AFG2A: variants seen among roughly 807,000 people sequenced by gnomAD.
AFG2A encodes ATPase family gene 2 protein homolog A.
chr4:123,057,490 T>C, the AFG2A span, among the ~76,000 whole-genome samples: 1 of 152,198 alleles, frequency 6.6e-6, no homozygotes, highest in East Asian at 1.9e-4. Context: ...TTTATCTATA[T>C]TGGATAAAAA....
At chr4:123,257,322 C>T in the AFG2A span, among the ~76,000 whole-genome samples, 1 of 152,170 alleles carries the variant, frequency 6.6e-6, no homozygotes, top group Admixed American at 6.5e-5. Context: ...GGTACACACT[C>T]AGTACACTCC....
At chr4:123,287,521 T>G in the AFG2A span, among the ~76,000 whole-genome samples, 1 of 152,238 alleles carries the variant, frequency 6.6e-6, no homozygotes, top group Non-Finnish European at 1.5e-5. Flanking sequence ...AAAAACCAAC[T>G]TGTTAAGACT....
the AFG2A span, among the ~76,000 whole-genome samples, chr4:123,161,513 G>C: frequency 6.6e-6 from 1 of 152,118 alleles, no homozygotes; most frequent in Non-Finnish European, 1.5e-5. Context: ...CTCTAGGCAA[G>C]GGATACAGAC....
At chr4:123,224,981 A>G in the AFG2A span, among the ~76,000 whole-genome samples, 1 of 151,994 alleles carries the variant, frequency 6.6e-6, no homozygotes, top group African/African-American at 2.4e-5. Context: ...CCATTTTTTC[A>G]TGTGTCTTTT....
the AFG2A span, among the ~76,000 whole-genome samples, chr4:123,083,814 C>T: frequency 1.3e-5 from 2 of 151,666 alleles, no homozygotes; most frequent in Non-Finnish European, 2.9e-5. Context: ...TTTTGGTATT[C>T]GTCTAATTGT....
At chr4:123,239,366 A>G in the AFG2A span, among the ~76,000 whole-genome samples, 12 of 152,158 alleles carry the variant, frequency 7.9e-5, no homozygotes, top group Non-Finnish European at 1.8e-4. Flanking sequence ...GAGCAACCCC[A>G]AGACACATAA....
At chr4:122,985,318 G>A in the AFG2A span, among the ~76,000 whole-genome samples, 1 of 151,868 alleles carries the variant, frequency 6.6e-6, no homozygotes, top group Non-Finnish European at 1.5e-5. Context: ...TAGTAGAGAT[G>A]GGGTTTCTCC....
the AFG2A span, among the ~76,000 whole-genome samples, chr4:123,113,664 C>G: frequency 6.6e-6 from 1 of 152,142 alleles, no homozygotes; most frequent in African/African-American, 2.4e-5. Context: ...CAGCCCTTCC[C>G]CAAGGTTGGG....
chr4:123,130,186 T>A, the AFG2A span, among the ~76,000 whole-genome samples: 6 of 151,904 alleles, frequency 3.9e-5, no homozygotes, highest in African/African-American at 1.2e-4. Context: ...ATATATATAT[T>A]TTTTAATTTA....
the AFG2A span, among the ~76,000 whole-genome samples, chr4:123,173,570 G>A: frequency 2.0e-5 from 3 of 151,768 alleles, no homozygotes; most frequent in Non-Finnish European, 2.9e-5. Context: ...TGGCCAGGCT[G>A]GTCTCAAACT....
the AFG2A span, among the ~76,000 whole-genome samples, chr4:122,972,557 T>C: frequency 6.6e-6 from 1 of 151,602 alleles, no homozygotes; most frequent in Admixed American, 6.6e-5. Context: ...TTTTTTTATC[T>C]ACATTAAGCC....
At chr4:122,993,213 G>A in the AFG2A span, among the ~76,000 whole-genome samples, 19 of 151,656 alleles carry the variant, frequency 1.3e-4, no homozygotes, top group East Asian at 3.1e-3. Context: ...GGCTGGTCTC[G>A]AACTCCTGAC....
chr4:123,111,339 C>T, the AFG2A span, among the ~76,000 whole-genome samples: 2 of 152,078 alleles, frequency 1.3e-5, no homozygotes, highest in Non-Finnish European at 2.9e-5. Flanking sequence ...TTTTTGGACA[C>T]CCCTCGTATT....
the AFG2A span, among the ~76,000 whole-genome samples, chr4:123,191,112 A>G: frequency 6.6e-6 from 1 of 152,176 alleles, no homozygotes; most frequent in Admixed American, 6.5e-5. Flanking sequence ...TCTGATATGT[A>G]AAGCTGGGGA....
chr4:122,934,412 G>A, the AFG2A span: 4 of 1,614,098 alleles, frequency 2.5e-6, no homozygotes, highest in Non-Finnish European at 3.4e-6. Context: ...GTTACACAGA[G>A]CCCTGGAGAT....
the AFG2A span, among the ~76,000 whole-genome samples, chr4:122,953,160 C>T: frequency 6.6e-6 from 1 of 152,176 alleles, no homozygotes; most frequent in African/African-American, 2.4e-5. Flanking sequence ...GTGTCCATTT[C>T]GCATTCCCCT....
At chr4:122,930,636 C>G in the AFG2A span, among the ~76,000 whole-genome samples, 4 of 152,138 alleles carry the variant, frequency 2.6e-5, no homozygotes, top group Non-Finnish European at 5.9e-5. Context: ...CACAGTTACC[C>G]TTTTCTTTTT....
the AFG2A span, among the ~76,000 whole-genome samples, chr4:123,145,632 AAC>A: frequency 6.6e-6 from 1 of 152,166 alleles, no homozygotes; most frequent in Non-Finnish European, 1.5e-5. Flanking sequence ...CGGTGACATT[AAC>A]AGTTTCCAAA....
At chr4:123,232,799 A>T in the AFG2A span, among the ~76,000 whole-genome samples, 1 of 151,986 alleles carries the variant, frequency 6.6e-6, no homozygotes, top group Non-Finnish European at 1.5e-5. Context: ...ATTGGGAGAG[A>T]TTGCTCTTAG....
Sources: allele counts gnomAD v4.1 joint callset (sites outside exome capture counted in the v4.1 genomes callset), GRCh38; gene constraint gnomAD v4.1.1; transcripts MANE v1.5; gene names NCBI Gene and HGNC (gene_info 2026-07-23, HGNC 2026-07-21).